The following TMEM131 variants were observed in gnomAD, a reference collection of about 807,000 sequenced individuals.
The protein encoded by TMEM131 is 2610524E03Rik.
In TMEM131, 66 loss-of-function variants were observed where a neutral mutation model predicts 211.6. The ratio of observed to expected loss-of-function variants is 0.31; its 90% CI spans 0.26 to 0.38. The LOEUF (loss-of-function observed/expected upper bound fraction) is 0.38, where lower values mean the gene tolerates loss of function less well. Ranked by LOEUF, TMEM131 falls within the 10% of genes least tolerant of loss-of-function variation. The pLI is 1.00. For missense variants in TMEM131, 2,036 were observed against 2,299.3 expected, an observed-to-expected ratio of 0.89 and a Z score of 2.34; for synonymous variants, 844 against 841.3, an observed-to-expected ratio of 1.00 and a Z score of -0.06.
intron 4 of TMEM131, among the ~76,000 whole-genome samples, chr2:97,886,936 C>T (rs13008904): frequency 0.35 from 52,550 of 152,184 alleles, 9,985 homozygotes; most frequent in Middle Eastern, 0.49. Flanking sequence ...ATATAGGAGC[C>T]CGCTGAGGCT....
chr2:97,874,012 T>A (rs768544874), intron 4 of TMEM131, among the ~76,000 whole-genome samples: 3 of 152,080 alleles, frequency 2.0e-5, no homozygotes, highest in Non-Finnish European at 2.9e-5. Context: ...GAATAACCAG[T>A]GTAGAGAAGA....
At chr2:97,777,452 T>C (rs1315665228) in intron 31 of TMEM131, among the ~76,000 whole-genome samples, 1 of 152,184 alleles carries the variant, frequency 6.6e-6, no homozygotes, top group Non-Finnish European at 1.5e-5. Context: ...TTATGGCTTG[T>C]GAGCTAAGAA....
At position 97,757,156 on chromosome 2, in the gene TMEM131, C is replaced by T. The variant is rs746014591; in HGVS notation, c.5595G>A (p.Thr1865=). The T allele has an allele frequency of 2.5e-6, 4 of 1,613,388 alleles. No individual in the cohort carries two copies. Among genetic ancestry groups the T allele is most frequent in the East Asian group, 2.2e-5 (1 of 44,870 alleles). The change falls in exon 41 of 41, where the codon ACG becomes ACA. Residue 1865 remains threonine, a synonymous_variant. Transcript: ENST00000186436. ...TYNPWRIWSP[T]IGRRSSDPWS... is the part of the protein sequence containing the mutation. ...AAGGGTCCGAGCTTCTTCTTCCAATCGTGGGGCTCCATATCCGCCACGGGT... is the reference window on the plus strand; with the variant it reads ...AAGGGTCCGAGCTTCTTCTTCCAATTGTGGGGCTCCATATCCGCCACGGGT...
chr2:97,876,784 A>G (rs376299562), intron 4 of TMEM131, among the ~76,000 whole-genome samples: 2 of 152,340 alleles, frequency 1.3e-5, no homozygotes, highest in African/African-American at 4.8e-5. Context: ...CCCTTTGAAA[A>G]CTGGCACCAG....
chr2:97,763,331 C>G (rs1044898860), intron 35 of TMEM131: 10 of 152,930 alleles, frequency 6.5e-5, no homozygotes, highest in African/African-American at 2.2e-4. Context: ...AGCCCGTGCT[C>G]TCCACTCCGC....
intron 33 of TMEM131, among the ~76,000 whole-genome samples, chr2:97,769,977 T>C (rs1008320344): frequency 1.1e-4 from 16 of 152,248 alleles, no homozygotes; most frequent in African/African-American, 3.6e-4. Context: ...GCCACTCCTC[T>C]GGCTTTATCA....
At chr2:97,759,972 G>T in intron 38 of TMEM131, 3 of 495,008 alleles carry the variant, frequency 6.1e-6, no homozygotes, top group African/African-American at 3.8e-5. Flanking sequence ...CTCACAGCCA[G>T]GTTCAAAGCA....
intron 31 of TMEM131, among the ~76,000 whole-genome samples, chr2:97,784,364 A>C (rs1680152992): frequency 6.6e-6 from 1 of 152,138 alleles, no homozygotes; most frequent in Non-Finnish European, 1.5e-5. Context: ...GAAATCATTT[A>C]ACACATTTAA....
chr2:97,981,069 T>TAAAAAAAAAAAAA (rs1679775350), intron 1 of TMEM131, among the ~76,000 whole-genome samples: 2 of 60,724 alleles, frequency 3.3e-5, no homozygotes, highest in Admixed American at 1.7e-4. Context: ...AAAAAAAAAG[T>TAAAAAAAAAAAAA]TTAAAAATCT....
chr2:97,822,532 C>T (rs1682175431), intron 11 of TMEM131, among the ~76,000 whole-genome samples: 2 of 152,146 alleles, frequency 1.3e-5, no homozygotes, highest in African/African-American at 4.8e-5. Context: ...AGAACTCTAA[C>T]AGGTTTTCGA....
intron 29 of TMEM131, among the ~76,000 whole-genome samples, chr2:97,794,041 A>G (rs1680640674): frequency 6.6e-6 from 1 of 151,048 alleles, no homozygotes; most frequent in African/African-American, 2.4e-5. Context: ...TTTATGGATA[A>G]AAGTTTGCAC....
chr2:97,797,037 C>A (rs1573375294), intron 26 of TMEM131, 51 bp from the exon 27 acceptor site: 8 of 1,556,086 alleles, frequency 5.1e-6, no homozygotes, highest in Non-Finnish European at 7.0e-6. Flanking sequence ...TCTGCACAAT[C>A]TTTTGATTTG....
At chr2:97,890,586 T>C (rs1209144306) in intron 3 of TMEM131, among the ~76,000 whole-genome samples, 1 of 152,218 alleles carries the variant, frequency 6.6e-6, no homozygotes, top group Non-Finnish European at 1.5e-5. Flanking sequence ...AAAGTAACTA[T>C]ACATGGATAC....
chr2:97,773,956 A>C (rs1333987853), intron 32 of TMEM131, among the ~76,000 whole-genome samples: 1 of 152,182 alleles, frequency 6.6e-6, no homozygotes, highest in Non-Finnish European at 1.5e-5. Flanking sequence ...ATGGGGAAGG[A>C]CGTACTCAGC....
chr2:97,798,294 A>G (rs1377937683), intron 25 of TMEM131, among the ~76,000 whole-genome samples: 1 of 152,258 alleles, frequency 6.6e-6, no homozygotes, highest in African/African-American at 2.4e-5. Context: ...GTTTTTAAGC[A>G]ACATTAAGTG....
At chr2:97,791,049 A>T (rs1663359165) in intron 31 of TMEM131, among the ~76,000 whole-genome samples, 1 of 152,218 alleles carries the variant, frequency 6.6e-6, no homozygotes, top group Non-Finnish European at 1.5e-5. Flanking sequence ...ACCATTCTGG[A>T]AGGGACTGAT....
At chr2:97,937,722 A>G (rs1254354868) in intron 1 of TMEM131, among the ~76,000 whole-genome samples, 1 of 152,196 alleles carries the variant, frequency 6.6e-6, no homozygotes, top group East Asian at 1.9e-4. Context: ...AACATGCAGG[A>G]TGAAGGGATA....
chr2:97,757,093 C>T lies in TMEM131; in HGVS notation c.*6G>A, dbSNP rs1369693610. ...GCCCACTATGTTTGTTTGTTTTTTGCTTAATTTAATTCTCGTGAGGAAAGT... is the reference window on the plus strand; with the variant it reads ...GCCCACTATGTTTGTTTGTTTTTTGTTTAATTTAATTCTCGTGAGGAAAGT... On this transcript the variant is annotated 3_prime_UTR_variant, in exon 41 of 41. Coordinates refer to ENST00000186436, the MANE Select transcript of TMEM131 (RefSeq NM_015348.2). The T allele has an allele frequency of 1.3e-5, 20 of 1,571,276 alleles. No individual in the cohort carries two copies. The Admixed American group carries it at 1.9e-4, about 15-fold the overall frequency.
Position 97,792,437 on chromosome 2 carries a change from C to T in TMEM131, c.4093G>A (p.Ala1365Thr), listed in dbSNP as rs1680540549. 1.9e-6 allele frequency: 3 copies of T among 1,612,116 alleles called. No homozygotes were observed. The highest frequency in any genetic ancestry group is 1.7e-6 in the Non-Finnish European group (2 of 1,178,982). The change falls in exon 31 of 41, where the codon GCC becomes ACC. Residue 1365 changes from alanine to threonine, a missense_variant. Transcript: ENST00000186436. ...GGCTGCTCTGTAAACACTTCTAGGG[C>T]TGGGGAGTCATGGTGGTCGAAGTCT... is the stretch of plus-strand genomic sequence containing the variant. Reference protein sequence around the residue: ...DKDFDHHDSPALEVFTEQPPS... With the variant: ...DKDFDHHDSPTLEVFTEQPPS...
Sources: allele counts gnomAD v4.1 joint callset (sites outside exome capture counted in the v4.1 genomes callset), GRCh38; gene constraint gnomAD v4.1.1; transcripts MANE v1.5; gene names NCBI Gene and HGNC (gene_info 2026-07-23, HGNC 2026-07-21).